TMCC2: variants seen among roughly 807,000 people sequenced by gnomAD.
The protein encoded by TMCC2 is transmembrane and coiled-coil domain family 2.
Under a neutral mutation model 49.4 loss-of-function variants are expected in TMCC2, and 16 were observed. That is an observed-to-expected ratio of 0.32 (90% confidence interval 0.22 to 0.49). The LOEUF is 0.49. TMCC2 is among the 20% of genes least tolerant of loss of function. The pLI is 0.99. For missense variants in TMCC2, 762 were observed against 989.8 expected (o/e 0.77, Z 3.09); for synonymous variants, 397 against 434.1 (o/e 0.91, Z 1.06).
intron 1 of TMCC2, among the ~76,000 whole-genome samples, chr1:205,237,963 T>C (rs1308743826): frequency 6.6e-6 from 1 of 152,188 alleles, no homozygotes; most frequent in Non-Finnish European, 1.5e-5. Flanking sequence ...CTTGCTTCGG[T>C]CTTACAGATC....
intron 2 of TMCC2, among the ~76,000 whole-genome samples, chr1:205,247,273 C>CTAGGT (rs1558648208): frequency 1.3e-5 from 2 of 152,116 alleles, no homozygotes; most frequent in Non-Finnish European, 2.9e-5. Flanking sequence ...GCCTATGGCA[C>CTAGGT]CCAGCTAGGT....
At position 205,228,952 on chromosome 1, in the gene TMCC2, C is replaced by T; in HGVS notation, c.207+181C>T. The T allele has an allele frequency of 2.8e-6, 4 of 1,411,976 alleles. No homozygotes were observed. The South Asian group carries it at 6.4e-5, about 22-fold the overall frequency. The allele number at this position is 1,411,976 out of a possible 1,614,324, so 87.5% of individuals were successfully genotyped here. On this transcript the variant is annotated intron_variant, in intron 1 of 4. Transcript: ENST00000358024. ...AGGTACCATTTATGCCTCTGTCTTT[C>T]AGCTCCGTGTCAGGTCTCTGTGTTT...
Position 205,271,939 on chromosome 1 carries a change from G to A in TMCC2, c.1945G>A (p.Val649Met), listed in dbSNP as rs1574875611. The change falls in exon 5 of 5, where the codon GTG becomes ATG. Residue 649 changes from valine to methionine, a missense_variant. This residue lies in a region of TMCC2 where 440 missense variants were observed against 636.7 expected (regional missense o/e 0.69). Transcript: ENST00000358024. ...GGCGCTGCTGGGCAAGTTCATCAAC[G>A]TGATCCTGGCGCTCATGGCCGTGCT... ...ARALLGKFIN[V>M]ILALMAVLLV... 1.9e-6 allele frequency: 3 copies of A among 1,614,188 alleles called. No homozygotes were observed. Among genetic ancestry groups the A allele is most frequent in the East Asian group, 2.2e-5 (1 of 44,872 alleles).
chr1:205,236,282 A>G (rs1453703791), intron 1 of TMCC2, among the ~76,000 whole-genome samples: 3 of 152,148 alleles, frequency 2.0e-5, no homozygotes, highest in South Asian at 2.1e-4. Context: ...AGCCAACTCA[A>G]TCTTGGCGGT....
At position 205,269,006 on chromosome 1, in the gene TMCC2, C is replaced by T. The variant is rs374689270; in HGVS notation, c.804C>T (p.Asp268=). 1.2e-4 allele frequency: 195 copies of T among 1,613,232 alleles called. 1 individual carries two copies. The highest frequency in any genetic ancestry group is 6.5e-4 in the Admixed American group (39 of 60,004). The change falls in exon 3 of 5, where the codon GAC becomes GAT. Residue 268 remains aspartate (D), a synonymous_variant. Transcript: ENST00000358024. ...LSLPAGHGDT[D]GPISLDVPDG... Reference sequence around the variant, plus strand: ...TCCCCGCCGGCCATGGTGACACCGACGGCCCCATCAGCCTGGACGTGCCCG... The same window carrying T: ...TCCCCGCCGGCCATGGTGACACCGATGGCCCCATCAGCCTGGACGTGCCCG...
At chr1:205,267,797 T>A (rs1661405321) in intron 2 of TMCC2, 2 of 858,572 alleles carry the variant, frequency 2.3e-6, no homozygotes, top group Admixed American at 1.2e-4. Context: ...CCTGCCCGCC[T>A]GGTGGGGAGT....
In TMCC2 at chr1:205,264,722, C is replaced by T. The variant is rs1277676964; in HGVS notation, c.748-4228C>T. 6.6e-6 allele frequency among the ~76,000 whole-genome samples: 1 copy of T among 152,170 alleles called. No homozygotes were observed. The highest frequency in any genetic ancestry group is 1.5e-5 in the Non-Finnish European group (1 of 68,032). The stretch of plus-strand genomic sequence containing the variant: ...GGCCAGGCTGGTCTCCAACTCCTAA[C>T]CTCAGGTGATCCGCCCGCCTTGGCC... On this transcript the variant is annotated intron_variant, in intron 2 of 4. Transcript: ENST00000358024. This position sits in a 1 kb window ranked among gnomAD's most constrained non-coding sequence, Gnocchi z 4.2.
chr1:205,256,236 G>A (rs1660865971), intron 2 of TMCC2: 1 of 1,514,546 alleles, frequency 6.6e-7, no homozygotes, highest in African/African-American at 1.4e-5. Context: ...CTGAACGACA[G>A]TTCTGCTGTG....
intron 2 of TMCC2, chr1:205,257,131 C>T (rs1660906128): frequency 4.1e-6 from 5 of 1,230,336 alleles, no homozygotes; most frequent in South Asian, 8.3e-5. Flanking sequence ...AGGAGCAGCC[C>T]GTGAGCCCCA....
chr1:205,245,305 G>A (rs1660414269), intron 2 of TMCC2, among the ~76,000 whole-genome samples: 1 of 152,184 alleles, frequency 6.6e-6, no homozygotes, highest in Non-Finnish European at 1.5e-5. Context: ...GGGCCCAAGT[G>A]CTAGACTATG....
Position 205,240,312 on chromosome 1 carries a change from C to T in TMCC2, c.208-1193C>T, listed in dbSNP as rs568543265. ...GCTGCCCCTCTGTGAGCAGTCTTGC[C>T]GGAAGAGCAGCTGGAGAATCTCAGC... On this transcript the variant is annotated intron_variant, in intron 1 of 4. Transcript: ENST00000358024. Among the ~76,000 whole-genome samples, 42 of 152,368 alleles carry T rather than the reference C, an allele frequency of 2.8e-4. No individual in the cohort carries two copies. The Middle Eastern group carries it at 0.014, about 49-fold the overall frequency.
At position 205,269,786 on chromosome 1, in the gene TMCC2, G is replaced by A. The variant is rs947762924; in HGVS notation, c.1584G>A (p.Glu528=). ...ALLEELREIK[E]GQSHLEDSME... ...TGGAAGAGCTACGGGAGATCAAGGA[G>A]GGACAGTCTCACCTGGAGGACTCCA... is the stretch of plus-strand genomic sequence containing the variant. Residue 528 remains glutamate, a synonymous_variant, in exon 3 of 5, where the codon GAG becomes GAA. Transcript: ENST00000358024. 1 of 1,614,066 alleles carries A rather than the reference G, an allele frequency of 6.2e-7. No individual in the cohort carries two copies. The highest frequency in any genetic ancestry group is 8.5e-7 in the Non-Finnish European group (1 of 1,180,030).
chr1:205,232,948 A>C (rs1241025839), intron 1 of TMCC2, among the ~76,000 whole-genome samples: 8 of 147,204 alleles, frequency 5.4e-5, no homozygotes, highest in Non-Finnish European at 1.2e-4. Flanking sequence ...AAAAAAAAAA[A>C]AAAAAAAAAA....
At chr1:205,255,254 G>A (rs1008088804) in intron 2 of TMCC2, among the ~76,000 whole-genome samples, 1 of 151,882 alleles carries the variant, frequency 6.6e-6, no homozygotes, top group African/African-American at 2.4e-5. Flanking sequence ...GCCTGGAGCG[G>A]GCAGAGAAGG....
rs754198015 is a variant in TMCC2, at chr1:205,241,648, T to C, written c.351T>C (p.His117=). ...AGCAGCAGCAGGGTATGTCCGACCA[T>C]GACTCCCCAGATGAGAAGGAGCGCT... ...QHQQQQGMSD[H]DSPDEKERSP... is the part of the protein sequence containing the mutation. Residue 117 remains histidine, a synonymous_variant, in exon 2 of 5, where the codon CAT becomes CAC. Coordinates refer to ENST00000358024, the MANE Select transcript of TMCC2 (RefSeq NM_014858.4). This position sits in a 1 kb window ranked among gnomAD's most constrained non-coding sequence, Gnocchi z 7.3. The C allele has an allele frequency of 3.3e-5, 53 of 1,613,748 alleles. No homozygotes were observed. Among genetic ancestry groups the C allele is most frequent in the Non-Finnish European group, 4.3e-5 (51 of 1,179,976 alleles).
chr1:205,250,618 T>TA (rs1430706351), intron 2 of TMCC2, among the ~76,000 whole-genome samples: 1 of 152,094 alleles, frequency 6.6e-6, no homozygotes, highest in Admixed American at 6.5e-5. Context: ...ATCACCAGGA[T>TA]AGAGGGGGCA....
chr1:205,243,977 A>G (rs1237455232), intron 2 of TMCC2, among the ~76,000 whole-genome samples: 5 of 152,270 alleles, frequency 3.3e-5, no homozygotes, highest in Admixed American at 6.5e-5. Flanking sequence ...GCAGCAAAGC[A>G]AAAGGAAAAT....
chr1:205,270,723 A>T (rs973815168), intron 3 of TMCC2, among the ~76,000 whole-genome samples: 10 of 152,202 alleles, frequency 6.6e-5, no homozygotes, highest in African/African-American at 2.4e-4. Context: ...TGGTACCCAG[A>T]GAGCATCTGA....
intron 1 of TMCC2, among the ~76,000 whole-genome samples, chr1:205,238,099 A>G (rs1433766311): frequency 1.3e-5 from 2 of 152,224 alleles, no homozygotes; most frequent in African/African-American, 4.8e-5. Context: ...GTGGAAAAGC[A>G]AGTGACATTT....
Sources: allele counts gnomAD v4.1 joint callset (sites outside exome capture counted in the v4.1 genomes callset), GRCh38; gene constraint gnomAD v4.1.1; regional missense constraint gnomAD v4.1.1; non-coding constraint Gnocchi (gnomAD v3.1); transcripts MANE v1.5; gene names NCBI Gene and HGNC (gene_info 2026-07-23, HGNC 2026-07-21).